CYTH1: variants seen among roughly 807,000 people sequenced by gnomAD.
CYTH1 encodes the protein cytohesin-1.
CYTH1 carries 18 observed loss-of-function variants against 61.8 expected under a neutral mutation model. The ratio of observed to expected loss-of-function variants is 0.29; its 90% confidence interval spans 0.20 to 0.43. CYTH1 has a LOEUF of 0.43. Ranked by LOEUF, CYTH1 falls within the 20% of genes least tolerant of loss-of-function variation. The pLI is 1.00. For missense variants in CYTH1, 336 were observed against 510.5 expected (o/e 0.66, Z 3.29); for synonymous variants, 174 against 184.3 (o/e 0.94, Z 0.45).
chr17:78,742,928 T>C (rs1471823589), intron 1 of CYTH1, among the ~76,000 whole-genome samples: 1 of 152,212 alleles, frequency 6.6e-6, no homozygotes, highest in African/African-American at 2.4e-5. Flanking sequence ...GTGTGGATTA[T>C]CATTTAAAAC....
rs1030340750 is a variant in CYTH1 at position 78,757,902 on chromosome 17, A to G, written c.22+24300T>C. 7.9e-5 allele frequency among the ~76,000 whole-genome samples: 12 copies of G among 151,912 alleles called. 4 individuals are homozygous for G. Among genetic ancestry groups the G allele is most frequent in the Admixed American group, 6.6e-5 (1 of 15,230 alleles). On this transcript the variant is annotated intron_variant, in intron 1 of 13. Transcript: ENST00000446868. ...ACTCCAGCATGGGTGACAGAGCAAGACTCTGCCTCAAAAAAAAAAATTCAA... is the reference window on the plus strand; with the variant it reads ...ACTCCAGCATGGGTGACAGAGCAAGGCTCTGCCTCAAAAAAAAAAATTCAA...
At chr17:78,775,345 G>A (rs530324656) in intron 1 of CYTH1, among the ~76,000 whole-genome samples, 3 of 152,276 alleles carry the variant, frequency 2.0e-5, no homozygotes, top group South Asian at 4.1e-4. Context: ...CCCCTGTCCT[G>A]AGTATTCCCT....
intron 11 of CYTH1, among the ~76,000 whole-genome samples, chr17:78,687,562 T>C (rs1028668478): frequency 3.3e-5 from 5 of 152,268 alleles, no homozygotes; most frequent in Middle Eastern, 3.4e-3. Flanking sequence ...TCTTTTGTGG[T>C]TGGGAAGTAT....
intron 2 of CYTH1, 151 bp from the exon 3 acceptor site, chr17:78,708,412 T>C (rs2093091676): frequency 1.4e-6 from 1 of 729,166 alleles, no homozygotes; most frequent in Admixed American, 2.9e-5. Flanking sequence ...ATTAGGAAAA[T>C]TCATGTTTCA....
intron 1 of CYTH1, chr17:78,723,933 G>A (rs2093251183): frequency 6.6e-6 from 1 of 152,380 alleles, no homozygotes; most frequent in African/African-American, 2.4e-5. Context: ...TTCAGGAGGA[G>A]TATCCTTTGC....
At chr17:78,698,094 CGT>C (rs929027445) in intron 9 of CYTH1, among the ~76,000 whole-genome samples, 173 bp downstream of exon 9, 1 of 152,182 alleles carries the variant, frequency 6.6e-6, no homozygotes, top group East Asian at 1.9e-4. Flanking sequence ...CTACATGGTG[CGT>C]GTGTGTCCAT....
chr17:78,769,809 G>C (rs2093463347), intron 1 of CYTH1, among the ~76,000 whole-genome samples: 1 of 152,178 alleles, frequency 6.6e-6, no homozygotes, highest in East Asian at 1.9e-4. Flanking sequence ...CTGAGGTTCG[G>C]AGTTCTAAAC....
intron 1 of CYTH1, among the ~76,000 whole-genome samples, chr17:78,750,314 T>C (rs2093375136): frequency 6.6e-6 from 1 of 152,074 alleles, no homozygotes; most frequent in African/African-American, 2.4e-5. Context: ...TGAGCGGATA[T>C]GCTATTTCTC....
intron 1 of CYTH1, among the ~76,000 whole-genome samples, chr17:78,726,472 A>C (rs1190074029): frequency 6.6e-6 from 1 of 152,184 alleles, no homozygotes; most frequent in Admixed American, 6.5e-5. Context: ...CCAAGAGCTC[A>C]TGTGTTACTA....
intron 1 of CYTH1, among the ~76,000 whole-genome samples, chr17:78,719,408 T>G (rs906220653): frequency 4.6e-5 from 7 of 152,050 alleles, no homozygotes; most frequent in Non-Finnish European, 1.0e-4. Context: ...GGCTAACAAC[T>G]GCAGGTAAGG....
Position 78,675,697 on chromosome 17 carries a change from T to C in CYTH1, c.*394A>G, listed in dbSNP as rs1431824039. 3 of 433,638 alleles carry C rather than the reference T, an allele frequency of 6.9e-6. No homozygotes were observed. The highest frequency in any genetic ancestry group is 1.2e-5 in the Non-Finnish European group (3 of 248,634). The allele number at this position is 433,638 out of a possible 1,614,324, so 26.9% of individuals were successfully genotyped here. ...TCCTTTCCACCTTTTTCTCTTAACATATAATAATATATGGACACATGTATT... is the reference window on the plus strand; with the variant it reads ...TCCTTTCCACCTTTTTCTCTTAACACATAATAATATATGGACACATGTATT... On this transcript the variant is annotated 3_prime_UTR_variant, in exon 14 of 14. Transcript: ENST00000446868.
chr17:78,730,789 C>T (rs899077216), intron 1 of CYTH1, among the ~76,000 whole-genome samples: 30 of 151,400 alleles, frequency 2.0e-4, no homozygotes, highest in Admixed American at 1.4e-3. Flanking sequence ...CTCAGCCACC[C>T]GAGTGGCTGG....
chr17:78,782,266 C>A lies in CYTH1; in HGVS notation c.-43G>T, dbSNP rs770864180. ...CCGCGCTCCGGCTCGCCGCTCGCGT[C>A]CCGCCGCGCCACCCGCGCCCCCGCT... On this transcript the variant is annotated 5_prime_UTR_variant, in exon 1 of 14. Transcript: ENST00000446868. 2.5e-6 allele frequency: 3 copies of A among 1,215,702 alleles called. No individual in the cohort carries two copies. The highest frequency in any genetic ancestry group is 4.2e-5 in the East Asian group (1 of 23,678). 75.3% of individuals were successfully genotyped at this position (1,215,702 alleles called of 1,614,324 possible). A position where few individuals can be genotyped will look rare whatever the true frequency, so the allele number is the denominator to read the frequency against.
intron 13 of CYTH1, among the ~76,000 whole-genome samples, chr17:78,679,471 C>T (rs929215644): frequency 5.3e-5 from 8 of 152,264 alleles, no homozygotes; most frequent in African/African-American, 1.9e-4. Context: ...TGCTGACCCT[C>T]GCACAGGGAC....
intron 1 of CYTH1, among the ~76,000 whole-genome samples, chr17:78,740,023 C>T (rs934144080): frequency 1.2e-4 from 19 of 152,176 alleles, no homozygotes; most frequent in African/African-American, 4.6e-4. Flanking sequence ...GCAACCTCTG[C>T]CTACTGGGTT....
intron 1 of CYTH1, among the ~76,000 whole-genome samples, chr17:78,765,875 T>G (rs1317582124): frequency 6.6e-6 from 1 of 152,104 alleles, no homozygotes; most frequent in East Asian, 1.9e-4. Context: ...CTAAAGTCTA[T>G]TTTTGAACCT....
intron 1 of CYTH1, among the ~76,000 whole-genome samples, chr17:78,779,503 T>C (rs1054369703): frequency 1.3e-5 from 2 of 151,660 alleles, no homozygotes; most frequent in African/African-American, 4.8e-5. Flanking sequence ...GAAGTCCGGG[T>C]ACTAATCCCC....
intron 1 of CYTH1, among the ~76,000 whole-genome samples, chr17:78,758,693 G>C (rs1221305688): frequency 6.6e-6 from 1 of 151,560 alleles, no homozygotes; most frequent in Non-Finnish European, 1.5e-5. Context: ...GGCAACAAGA[G>C]TGAAACTCGA....
At chr17:78,781,251 T>C (rs902198983) in intron 1 of CYTH1, among the ~76,000 whole-genome samples, 2 of 152,154 alleles carry the variant, frequency 1.3e-5, no homozygotes, top group Non-Finnish European at 2.9e-5. Context: ...TTCTGCTTTA[T>C]TTGTACTTTG....
Sources: gnomAD v4.1 joint callset for allele counts (sites outside exome capture counted in the v4.1 genomes callset) on GRCh38, gnomAD v4.1.1 for gene constraint, MANE v1.5 for transcripts, NCBI Gene and HGNC (gene_info 2026-07-23, HGNC 2026-07-21) for gene names.